PRSS54: variants seen among roughly 807,000 people sequenced by gnomAD.
PRSS54 encodes the protein serine protease 54, also known as inactive serine protease 54.
In PRSS54, 16 loss-of-function variants were observed where a neutral mutation model predicts 19.9. That is an observed-to-expected ratio of 0.80 (90% CI 0.54 to 1.22). The LOEUF (loss-of-function observed/expected upper bound fraction) is 1.22. Ranked by LOEUF, PRSS54 falls within the 50% of genes most tolerant of loss-of-function variation. PRSS54 has a pLI of 0.00. For missense variants in PRSS54, 444 were observed against 494.8 expected (o/e 0.90, Z 0.97); for synonymous variants, 177 against 195.8 (o/e 0.90, Z 0.80).
intron 3 of PRSS54, among the ~76,000 whole-genome samples, chr16:58,291,362 A>T (rs530980092): frequency 9.7e-4 from 148 of 152,342 alleles, no homozygotes; most frequent in African/African-American, 3.6e-3. Context: ...ATAACGGTAC[A>T]CATTGGCAGT....
chr16:58,293,957 C>G, intron 2 of PRSS54, 28 bp downstream of exon 2: 1 of 756,612 alleles, frequency 1.3e-6, no homozygotes, highest in Non-Finnish European at 2.2e-6. Flanking sequence ...TTTCTACTAA[C>G]AAAGGTTCCA....
intron 6 of PRSS54, chr16:58,284,364 A>G: frequency 2.1e-6 from 1 of 482,372 alleles, no homozygotes. Flanking sequence ...TGTGACTTAG[A>G]CAAGCTTCAT....
chr16:58,284,238 G>C (rs557259197), intron 6 of PRSS54, among the ~76,000 whole-genome samples: 9 of 152,280 alleles, frequency 5.9e-5, no homozygotes, highest in African/African-American at 1.9e-4. Context: ...TCAGAGGGGA[G>C]TCTAGGTTCC....
rs188588892 is a variant in PRSS54 at position 58,280,157 on chromosome 16, A to G, written c.*67T>C. 1,673 of 1,488,234 alleles carry G rather than the reference A, an allele frequency of 1.1e-3. 4 individuals are homozygous for G. Among genetic ancestry groups the G allele is most frequent in the Non-Finnish European group, 1.3e-3 (1,444 of 1,093,350 alleles). 92.2% of individuals were successfully genotyped at this position (1,488,234 alleles called of 1,614,324 possible). ...AACTATCAAAAACAGACATCAAAAC[A>G]GCATGGTGAATGCCTGGCACTCAGC... is the stretch of plus-strand genomic sequence containing the variant. On this transcript the variant is annotated 3_prime_UTR_variant, in exon 7 of 7. Transcript: ENST00000567164.
intron 1 of PRSS54, among the ~76,000 whole-genome samples, 176 bp from the exon 2 acceptor site, chr16:58,294,385 T>C (rs1298648095): frequency 6.6e-6 from 1 of 152,124 alleles, no homozygotes; most frequent in Non-Finnish European, 1.5e-5. Flanking sequence ...TGAGTCTCGC[T>C]CCCTTGGCAG....
rs760151834 is a variant in PRSS54 at position 58,293,726 on chromosome 16, A to G, written c.85+6T>C. ...AAAGTCAGAGGGAGGAAAGCAGCAC[A>G]CTCACTGGTGGAAGAATAGAGAAGG... On this transcript the variant is annotated splice_donor_region_variant and intron_variant, in intron 3 of 6. Transcript: ENST00000567164. 2.4e-4 allele frequency: 388 copies of G among 1,610,916 alleles called. No homozygotes were observed. Among genetic ancestry groups the G allele is most frequent in the Non-Finnish European group, 3.1e-4 (367 of 1,178,812 alleles).
At chr16:58,284,152 C>A (rs990886702) in intron 6 of PRSS54, among the ~76,000 whole-genome samples, 10 of 151,904 alleles carry the variant, frequency 6.6e-5, no homozygotes, top group Non-Finnish European at 1.5e-4. Flanking sequence ...GGCAGTAGGA[C>A]AGCCACATCC....
intron 4 of PRSS54, among the ~76,000 whole-genome samples, chr16:58,290,257 T>C (rs1401258892): frequency 2.0e-5 from 3 of 151,888 alleles, no homozygotes; most frequent in African/African-American, 7.2e-5. Context: ...TTCAGTGTTT[T>C]GTGTGTAATT....
chr16:58,289,409 G>C (rs1456131205), intron 4 of PRSS54, among the ~76,000 whole-genome samples: 1 of 152,142 alleles, frequency 6.6e-6, no homozygotes, highest in Admixed American at 6.5e-5. Context: ...AGACCTATAG[G>C]TATATAGATA....
rs147613176 is a variant in PRSS54, at chr16:58,280,664, C to T, written c.748G>A (p.Gly250Ser). ...TCCACCTTGGTGTACAGAAACAGGC[C>T]AGGGCACGTCTCACCACCGAAGTTC... ...VLNFGGETCP[G>S]LFLYTKVEDY... Residue 250 changes from glycine (G) to serine (S), a missense_variant, in exon 7 of 7, where the codon GGC becomes AGC. Coordinates refer to ENST00000567164, the MANE Select transcript of PRSS54 (RefSeq NM_001305173.2). 6.2e-7 allele frequency: 1 copy of T among 1,614,092 alleles called. No homozygotes were observed.
chr16:58,290,520 ACT>A (rs1401764222), intron 4 of PRSS54, among the ~76,000 whole-genome samples: 1 of 152,116 alleles, frequency 6.6e-6, no homozygotes, highest in Non-Finnish European at 1.5e-5. Context: ...AGAGATAAGC[ACT>A]CTTAAAAGCG....
At chr16:58,284,903 C>G (rs1030653517) in intron 5 of PRSS54, among the ~76,000 whole-genome samples, 182 bp from the exon 6 acceptor site, 14 of 151,662 alleles carry the variant, frequency 9.2e-5, no homozygotes, top group Admixed American at 7.9e-4. Flanking sequence ...CAACTTCTGC[C>G]TTTCGGGTTC....
chr16:58,290,807 T>C, intron 4 of PRSS54, 152 bp downstream of exon 4: 1 of 799,810 alleles, frequency 1.3e-6, no homozygotes, highest in Non-Finnish European at 1.9e-6. Flanking sequence ...CTGGTGAATT[T>C]AGGGCTCACG....
intron 3 of PRSS54, among the ~76,000 whole-genome samples, chr16:58,292,098 T>C (rs1200333952): frequency 2.6e-5 from 4 of 152,106 alleles, no homozygotes; most frequent in Admixed American, 6.5e-5. Flanking sequence ...CCAGCTAATT[T>C]TTCTATTTTT....
chr16:58,284,533 C>T (rs1050907962), intron 6 of PRSS54, 57 bp downstream of exon 6: 1 of 1,606,944 alleles, frequency 6.2e-7, no homozygotes, highest in Non-Finnish European at 8.5e-7. Flanking sequence ...TGAGGCTCCC[C>T]TGGATGTGAC....
chr16:58,284,997 T>C (rs955136292), intron 5 of PRSS54, among the ~76,000 whole-genome samples: 1 of 152,118 alleles, frequency 6.6e-6, no homozygotes, highest in African/African-American at 2.4e-5. Flanking sequence ...GTATTTTTAA[T>C]AGAGATGGAG....
chr16:58,291,043 T>G lies in PRSS54; in HGVS notation c.179A>C (p.Gln60Pro), dbSNP rs768103323. 1 of 1,614,212 alleles carries G rather than the reference T, an allele frequency of 6.2e-7. No individual in the cohort carries two copies. The highest frequency in any genetic ancestry group is 8.5e-7 in the Non-Finnish European group (1 of 1,180,040). Residue 60 changes from glutamine to proline, a missense_variant, in exon 4 of 7, where the codon CAG becomes CCG. Coordinates refer to ENST00000567164, the MANE Select transcript of PRSS54 (RefSeq NM_001305173.2). The stretch of plus-strand genomic sequence containing the variant: ...AGCCAGGTGTGTGTACTGGGAGTCC[T>G]GCAGCGACACCACCCACGGGAACTC... ...SMEFPWVVSL[Q>P]DSQYTHLAFG...
rs142583611 is a variant in PRSS54 at position 58,293,805 on chromosome 16, C to T, written c.12G>A (p.Ala4=). The part of the protein sequence containing the change: MVS[A]AGLSGDGKMR... ...TCTTGCCATCCCCAGAGAGACCCGC[C>T]GCGGACACCATGGGCAGCTGGGGAA... Residue 4 remains alanine (A), a synonymous_variant, in exon 3 of 7, where the codon GCG becomes GCA. Transcript: ENST00000567164. 3.9e-4 allele frequency: 636 copies of T among 1,613,106 alleles called. 1 individual carries two copies. In the African/African-American group the frequency reaches 5.7e-3, roughly 14 times the overall value.
rs1482342809 is a variant in PRSS54 at position 58,286,061 on chromosome 16, A to G, written c.398T>C (p.Leu133Pro). Reference protein sequence around the residue: ...NNSMSNNIALLKTDTAMHFGN... With the variant: ...NNSMSNNIALPKTDTAMHFGN... ...AAAATGCATCGCTGTGTCTGTCTTC[A>G]GGAGGGCTATGTTGTTGCTCATGGA... Residue 133 changes from leucine (L) to proline (P), a missense_variant, in exon 5 of 7, where the codon CTG (leucine) becomes CCG (proline). Coordinates refer to ENST00000567164, the MANE Select transcript of PRSS54 (RefSeq NM_001305173.2). 6.2e-7 allele frequency: 1 copy of G among 1,614,232 alleles called. No homozygotes were observed. Among genetic ancestry groups the G allele is most frequent in the African/African-American group, 1.3e-5 (1 of 75,058 alleles).
Sources: gnomAD v4.1 joint callset for allele counts (sites outside exome capture counted in the v4.1 genomes callset) on GRCh38, gnomAD v4.1.1 for gene constraint, MANE v1.5 for transcripts, NCBI Gene and HGNC (gene_info 2026-07-23, HGNC 2026-07-21) for gene names.